Variants in MACF1 observed in about 807,000 individuals in gnomAD.
The protein encoded by MACF1 is microtubule actin crosslinking factor 1, also known as microtubule-actin cross-linking factor 1.
A neutral mutation model predicts 854.8 loss-of-function variants in MACF1; 193 were observed. That is an observed-to-expected ratio of 0.23 (90% CI 0.20 to 0.25). MACF1 has a LOEUF of 0.25. MACF1 is among the 10% of genes least tolerant of loss of function. The probability of loss-of-function intolerance (pLI) is 1.00; values close to 1 mark genes in which losing one functional copy is unlikely to be tolerated. For synonymous variants in MACF1, 3,185 were observed against 3,226.7 expected (o/e 0.99, Z 0.44); for missense variants, 7,722 against 8,929.1 (o/e 0.86, Z 5.45).
At position 39,285,786 on chromosome 1, in the gene MACF1, G is replaced by A. The variant is rs780491916; in HGVS notation, c.1508+28G>A. ...GAGGAACAAGGGACTCAAATGGAGG[G>A]CTTGCTTGCTTACTGCTGAGGCTCA... On this transcript the variant is annotated intron_variant, in intron 14 of 100. Transcript: ENST00000564288. 5 of 1,609,560 alleles carry A rather than the reference G, an allele frequency of 3.1e-6. No individual in the cohort carries two copies. In the East Asian group the frequency reaches 1.1e-4, roughly 36 times the overall value.
In MACF1 at chr1:39,322,710, C is replaced by G; in HGVS notation, c.4132C>G (p.Gln1378Glu). The change falls in exon 32 of 101, where the codon CAA becomes GAA. Residue 1378 changes from glutamine to glutamate, a missense_variant. Coordinates refer to ENST00000564288, the MANE Select transcript of MACF1 (RefSeq NM_001394062.1). ...RMLSSSDAIT[Q>E]EFMDLRTRYT... ...GCTTTCCTCTTCAGATGCCATCACT[C>G]AAGAGGTGAGAGGGTGGGGGAAGGA... 1 of 1,613,826 alleles carries G rather than the reference C, an allele frequency of 6.2e-7. No homozygotes were observed. Among genetic ancestry groups the G allele is most frequent in the Non-Finnish European group, 8.5e-7 (1 of 1,179,772 alleles).
chr1:39,422,385 A>G lies in MACF1; in HGVS notation c.15828A>G (p.Lys5276=). The G allele has an allele frequency of 6.2e-7, 1 of 1,613,618 alleles. No homozygotes were observed. The highest frequency in any genetic ancestry group is 8.5e-7 in the Non-Finnish European group (1 of 1,179,840). The change falls in exon 59 of 101, where the codon AAA becomes AAG. Residue 5276 remains lysine (K), a synonymous_variant. Coordinates refer to ENST00000564288, the MANE Select transcript of MACF1 (RefSeq NM_001394062.1). The part of the protein sequence containing the change: ...QQLADFKMFQ[K]EQVDPLQMKL... ...TTGTAATTATCTAGATGTTTCAGAA[A>G]GAACAAGTGGATCCTCTTCAGATGA...
intron 23 of MACF1, among the ~76,000 whole-genome samples, chr1:39,309,131 T>C (rs538967186): frequency 6.6e-6 from 1 of 152,314 alleles, no homozygotes; most frequent in Non-Finnish European, 1.5e-5. Flanking sequence ...GGTTATTTCT[T>C]CTCTCTGGCT....
chr1:39,222,768 G>A (rs959931679), intron 1 of MACF1, among the ~76,000 whole-genome samples: 1 of 152,198 alleles, frequency 6.6e-6, no homozygotes, highest in Non-Finnish European at 1.5e-5. Context: ...TGTGTCAGCT[G>A]TGGTATATCC....
upstream of MACF1, among the ~76,000 whole-genome samples, chr1:39,200,714 A>G (rs1644379049): frequency 6.6e-6 from 1 of 151,794 alleles, no homozygotes; most frequent in Admixed American, 6.6e-5. Context: ...AAAAAAAAAA[A>G]AGAAAAAAAT....
At chr1:39,465,137 C>G (rs768074403) in intron 95 of MACF1, 25 bp downstream of exon 95, 5 of 1,608,154 alleles carry the variant, frequency 3.1e-6, no homozygotes. Flanking sequence ...GCAATGTTCT[C>G]CTTCTCAATG....
intron 2 of MACF1, among the ~76,000 whole-genome samples, chr1:39,147,874 C>T (rs1422528583): frequency 1.3e-5 from 2 of 152,168 alleles, no homozygotes; most frequent in Non-Finnish European, 2.9e-5. Flanking sequence ...TTTAGACCCT[C>T]GTCTTCTTTG....
intron 2 of MACF1, among the ~76,000 whole-genome samples, chr1:39,122,424 T>G (rs1286839842): frequency 6.6e-6 from 1 of 151,942 alleles, no homozygotes; most frequent in Non-Finnish European, 1.5e-5. Flanking sequence ...TGGCTAATTT[T>G]TTGTATTTTT....
chr1:39,135,432 A>G (rs1643140524), intron 2 of MACF1, among the ~76,000 whole-genome samples: 1 of 152,070 alleles, frequency 6.6e-6, no homozygotes, highest in Non-Finnish European at 1.5e-5. Flanking sequence ...TTTTTTTAGT[A>G]GAGATGGGGT....
intron 21 of MACF1, among the ~76,000 whole-genome samples, chr1:39,299,978 G>A (rs1199921349): frequency 4.6e-5 from 7 of 152,136 alleles, no homozygotes; most frequent in Admixed American, 4.6e-4. Flanking sequence ...ATTGAAAGTG[G>A]CACAGGGAGA....
At chr1:39,416,678 C>CTA (rs1553378857) in intron 58 of MACF1, among the ~76,000 whole-genome samples, 1 of 152,172 alleles carries the variant, frequency 6.6e-6, no homozygotes, top group Non-Finnish European at 1.5e-5. Context: ...TACATAATCT[C>CTA]TAACTATCCT....
At chr1:39,386,257 T>TG (rs1430129562) in intron 57 of MACF1, among the ~76,000 whole-genome samples, 1 of 151,152 alleles carries the variant, frequency 6.6e-6, no homozygotes, top group African/African-American at 2.5e-5. Flanking sequence ...TTTTTTTTTT[T>TG]TTTAATATTA....
chr1:39,369,939 T>C, intron 50 of MACF1, 91 bp from the exon 51 acceptor site: 1 of 1,179,210 alleles, frequency 8.5e-7, no homozygotes, highest in Non-Finnish European at 1.2e-6. Context: ...GTTAGGTAAC[T>C]GATGTCTGGA....
chr1:39,435,499 T>A, intron 69 of MACF1, 59 bp from the exon 70 acceptor site: 1 of 1,384,768 alleles, frequency 7.2e-7, no homozygotes, highest in Non-Finnish European at 1.0e-6. Flanking sequence ...GATCAAAGTA[T>A]CTAAATACAT....
At chr1:39,435,422 G>A (rs2148657346) in intron 69 of MACF1, 136 bp from the exon 70 acceptor site, 9 of 682,334 alleles carry the variant, frequency 1.3e-5, no homozygotes, top group East Asian at 5.4e-5. Context: ...CACACAAATG[G>A]TGAGATGCTG....
Position 39,205,104 on chromosome 1 carries a change from T to C in MACF1, c.82T>C (p.Trp28Arg), listed in dbSNP as rs1160283327. 118 of 702,924 alleles carry C rather than the reference T, an allele frequency of 1.7e-4. No homozygotes were observed. Among genetic ancestry groups the C allele is most frequent in the Non-Finnish European group, 1.6e-5 (6 of 385,010 alleles). 43.5% of individuals were successfully genotyped at this position (702,924 alleles called of 1,614,324 possible). A position where few individuals can be genotyped will look rare whatever the true frequency, so the allele number is the denominator to read the frequency against. ...TCTTGGAGTTGCTGGTGTTCTATAC[T>C]GGAAGAGGCATGCCAGAGGTAGAGC... ...HVLGVAGVLYWKRHARGRADE... is the reference protein window; with the variant it reads ...HVLGVAGVLYRKRHARGRADE... Residue 28 changes from tryptophan to arginine, a missense_variant, in exon 1 of 101, where the codon TGG becomes CGG. Coordinates refer to ENST00000564288, the MANE Select transcript of MACF1 (RefSeq NM_001394062.1).
chr1:39,246,565 A>G (rs1644982801), intron 2 of MACF1, among the ~76,000 whole-genome samples: 3 of 151,942 alleles, frequency 2.0e-5, no homozygotes, highest in East Asian at 1.9e-4. Context: ...CTGGAGTACA[A>G]TGGTGTGATC....
At chr1:39,220,742 C>T (rs1186041972) in intron 1 of MACF1, among the ~76,000 whole-genome samples, 4 of 152,050 alleles carry the variant, frequency 2.6e-5, no homozygotes, top group African/African-American at 9.7e-5. Flanking sequence ...ACCTCGGCCT[C>T]CCAAAGTTCT....
At chr1:39,404,895 G>C (rs1642633964) in intron 58 of MACF1, among the ~76,000 whole-genome samples, 1 of 152,108 alleles carries the variant, frequency 6.6e-6, no homozygotes, top group Admixed American at 6.5e-5. Context: ...CCTCCATAAA[G>C]CCTTCTCTGA....
Sources: gnomAD v4.1 joint callset for allele counts (sites outside exome capture counted in the v4.1 genomes callset) on GRCh38, gnomAD v4.1.1 for gene constraint, MANE v1.5 for transcripts, NCBI Gene and HGNC (gene_info 2026-07-23, HGNC 2026-07-21) for gene names.